SGCG: variants seen among roughly 807,000 people sequenced by gnomAD.
SGCG encodes gamma-sarcoglycan.
A neutral mutation model predicts 29.3 loss-of-function variants in SGCG; 26 were observed. The observed-to-expected ratio is 0.89, with a 90% confidence interval of 0.65 to 1.23. The LOEUF (loss-of-function observed/expected upper bound fraction) is 1.23, where lower values mean the gene tolerates loss of function less well. Among genes scored for constraint, SGCG ranks in the 50% most tolerant of loss-of-function variants. The pLI is 0.00. For synonymous variants in SGCG, 145 were observed against 129.7 expected, an observed-to-expected ratio of 1.12 and a Z score of -0.80; for missense variants, 353 against 356.0, an observed-to-expected ratio of 0.99 and a Z score of 0.07.
At chr13:23,279,287 G>A (rs949197178) in intron 4 of SGCG, 72 bp from the exon 5 acceptor site, 86 of 1,397,722 alleles carry the variant, frequency 6.2e-5, no homozygotes, top group Non-Finnish European at 8.0e-5. Flanking sequence ...GGTTGACGTG[G>A]CATGTGTAAA....
the SGCG span, among the ~76,000 whole-genome samples, chr13:23,172,080 C>T: frequency 6.6e-6 from 1 of 152,226 alleles, no homozygotes; most frequent in African/African-American, 2.4e-5. Flanking sequence ...CTACCTCTTA[C>T]TCCTGGATTA....
At chr13:23,212,375 C>A (rs192460352) in intron 2 of SGCG, among the ~76,000 whole-genome samples, 1 of 104,278 alleles carries the variant, frequency 9.6e-6, no homozygotes, top group African/African-American at 3.9e-5. Flanking sequence ...TTATTTTTCC[C>A]AGCATAGCAC....
At chr13:23,323,445 G>T (rs1593114515) in intron 7 of SGCG, among the ~76,000 whole-genome samples, 1 of 152,306 alleles carries the variant, frequency 6.6e-6, no homozygotes, top group African/African-American at 2.4e-5. Context: ...AAGGATAAGA[G>T]CCACATAACA....
chr13:23,173,880 T>A, the SGCG span, among the ~76,000 whole-genome samples: 1 of 152,186 alleles, frequency 6.6e-6, no homozygotes, highest in Non-Finnish European at 1.5e-5. Flanking sequence ...TAAACAGTAA[T>A]ATATCTTACT....
intron 1 of SGCG, among the ~76,000 whole-genome samples, chr13:23,198,709 G>C (rs1025486343): frequency 6.6e-6 from 1 of 151,792 alleles, no homozygotes; most frequent in East Asian, 1.9e-4. Context: ...AGCTGGATGT[G>C]GTGGCGCACA....
At chr13:23,165,136 T>C in the SGCG span, among the ~76,000 whole-genome samples, 1 of 152,268 alleles carries the variant, frequency 6.6e-6, no homozygotes, top group Middle Eastern at 3.4e-3. Flanking sequence ...AAACAGAAAA[T>C]AGAAAAATTA....
chr13:23,273,519 A>G (rs964892606), intron 4 of SGCG, among the ~76,000 whole-genome samples: 2 of 152,192 alleles, frequency 1.3e-5, no homozygotes, highest in African/African-American at 4.8e-5. Context: ...TGTTTAGTAC[A>G]ATGAAATTTC....
At chr13:23,191,701 A>G (rs1012334609) in intron 1 of SGCG, among the ~76,000 whole-genome samples, 1 of 152,210 alleles carries the variant, frequency 6.6e-6, no homozygotes, top group Non-Finnish European at 1.5e-5. Context: ...CAGCTAGTAG[A>G]TTTGAAAAGC....
intron 6 of SGCG, among the ~76,000 whole-genome samples, chr13:23,317,479 A>G (rs1346452329): frequency 1.3e-5 from 2 of 152,130 alleles, no homozygotes. Flanking sequence ...CATCAATACC[A>G]GCTACGAACA....
chr13:23,280,377 A>G (rs1466893258), intron 5 of SGCG, among the ~76,000 whole-genome samples: 2 of 152,224 alleles, frequency 1.3e-5, no homozygotes, highest in East Asian at 3.8e-4. Flanking sequence ...ATTGTCTCAC[A>G]CAATACTACC....
the SGCG span, among the ~76,000 whole-genome samples, chr13:23,163,879 T>C: frequency 6.6e-6 from 1 of 152,226 alleles, no homozygotes; most frequent in Non-Finnish European, 1.5e-5. Context: ...GTTATACTTT[T>C]ATAAGGAATG....
At chr13:23,255,567 G>A (rs1880144885) in intron 4 of SGCG, among the ~76,000 whole-genome samples, 4 of 152,160 alleles carry the variant, frequency 2.6e-5, no homozygotes, top group Admixed American at 1.3e-4. Context: ...GTTGCATGTT[G>A]AAACGTAACC....
At chr13:23,171,263 G>T in the SGCG span, among the ~76,000 whole-genome samples, 1 of 152,208 alleles carries the variant, frequency 6.6e-6, no homozygotes, top group Non-Finnish European at 1.5e-5. Flanking sequence ...GACACCTTTT[G>T]TACATTATCT....
At chr13:23,257,475 A>C (rs1397750057) in intron 4 of SGCG, among the ~76,000 whole-genome samples, 1 of 151,692 alleles carries the variant, frequency 6.6e-6, no homozygotes, top group Non-Finnish European at 1.5e-5. Context: ...GACTGCAAAA[A>C]TTTTCTCCCA....
At chr13:23,188,028 C>G (rs1234942571) in intron 1 of SGCG, among the ~76,000 whole-genome samples, 1 of 152,346 alleles carries the variant, frequency 6.6e-6, no homozygotes, top group South Asian at 2.1e-4. Context: ...GCAGGTCCAG[C>G]CTGCAGTATG....
At chr13:23,292,255 G>A (rs12865239) in intron 5 of SGCG, among the ~76,000 whole-genome samples, 22,696 of 152,016 alleles carry the variant, frequency 0.15, 1,815 homozygotes, top group South Asian at 0.23. Flanking sequence ...GATTACAGGC[G>A]TGCGCCACCA....
chr13:23,191,978 A>G (rs567065320), intron 1 of SGCG, among the ~76,000 whole-genome samples: 42 of 152,112 alleles, frequency 2.8e-4, no homozygotes, highest in African/African-American at 9.6e-4. Context: ...GATCGAGACC[A>G]TCCTGGCTAA....
intron 1 of SGCG, among the ~76,000 whole-genome samples, chr13:23,181,897 T>G (rs534171341): frequency 6.6e-6 from 1 of 152,348 alleles, no homozygotes; most frequent in Admixed American, 6.5e-5. Flanking sequence ...AATACACCGT[T>G]TGTTTTTTGC....
rs148615761 is a variant in SGCG, at chr13:23,261,738, A to T, written c.385+11021A>T. 3.9e-4 allele frequency among the ~76,000 whole-genome samples: 59 copies of T among 152,194 alleles called. 1 individual carries two copies. Among genetic ancestry groups the T allele is most frequent in the Middle Eastern group, 6.8e-3 (2 of 294 alleles). ...ATCTGAAGTCAATGTGAAGGAAAACATTCTAAGTGCAGTGAGACAAAAGGA... is the reference window on the plus strand; with the variant it reads ...ATCTGAAGTCAATGTGAAGGAAAACTTTCTAAGTGCAGTGAGACAAAAGGA... On this transcript the variant is annotated intron_variant, in intron 4 of 7. Transcript: ENST00000218867.
Sources: allele counts gnomAD v4.1 joint callset (sites outside exome capture counted in the v4.1 genomes callset), GRCh38; gene constraint gnomAD v4.1.1; transcripts MANE v1.5; gene names NCBI Gene and HGNC (gene_info 2026-07-23, HGNC 2026-07-21).